SLC10A6: variants seen among roughly 807,000 people sequenced by gnomAD.
SLC10A6 encodes solute carrier family 10 member 6.
Under a neutral mutation model 30.0 loss-of-function variants are expected in SLC10A6, and 27 were observed. That is an observed-to-expected ratio of 0.90 (90% CI 0.66 to 1.24). SLC10A6 has a LOEUF of 1.24. SLC10A6 is among the 50% of genes most tolerant of loss of function. The pLI is 0.00. For synonymous variants in SLC10A6, 166 were observed against 173.8 expected, an observed-to-expected ratio of 0.95 and a Z score of 0.36; for missense variants, 439 against 457.0, an observed-to-expected ratio of 0.96 and a Z score of 0.36.
At chr4:86,825,849 G>A (rs1196621373) in intron 4 of SLC10A6, among the ~76,000 whole-genome samples, 1 of 152,226 alleles carries the variant, frequency 6.6e-6, no homozygotes, top group African/African-American at 2.4e-5. Context: ...ACAAAGTATG[G>A]CCAAAGGCCA....
chr4:86,827,864 A>T, intron 4 of SLC10A6, 129 bp downstream of exon 4: 1 of 731,822 alleles, frequency 1.4e-6, no homozygotes, highest in Non-Finnish European at 2.1e-6. Context: ...TTTTATGCTT[A>T]GTTATCCTGT....
rs565694498 is a variant in SLC10A6, at chr4:86,848,950, G to A, written c.166C>T (p.Arg56Trp). ...MFSLGCSVEI[R>W]KLWSHIRRPW... is the part of the protein sequence containing the mutation. The stretch of plus-strand genomic sequence containing the variant: ...CTCCTGATGTGCGACCACAGCTTCC[G>A]GATCTCCACGGAACATCCCAAAGAG... Residue 56 changes from arginine to tryptophan, a missense_variant, in exon 1 of 6, where the codon CGG becomes TGG. Coordinates refer to ENST00000273905, the MANE Select transcript of SLC10A6 (RefSeq NM_197965.3). 5 of 1,613,566 alleles carry A rather than the reference G, an allele frequency of 3.1e-6. No homozygotes were observed. The highest frequency in any genetic ancestry group is 2.2e-5 in the South Asian group (2 of 91,016).
chr4:86,829,443 G>A (rs1021239574), intron 3 of SLC10A6, among the ~76,000 whole-genome samples: 3 of 152,050 alleles, frequency 2.0e-5, no homozygotes, highest in African/African-American at 4.8e-5. Flanking sequence ...GCCTCTGAAT[G>A]TAACATCCCC....
Position 86,837,292 on chromosome 4 carries a change from AGG to A in SLC10A6, c.378-3870_378-3869del, listed in dbSNP as rs763281326. 3.4e-3 allele frequency among the ~76,000 whole-genome samples: 273 copies of A among 81,432 alleles called. 1 individual carries two copies. The highest frequency in any genetic ancestry group is 4.6e-3 in the East Asian group (13 of 2,848). The allele number at this position is 81,432 out of a possible 152,430, so 53.4% of individuals were successfully genotyped here. ...GAAAGAAAGAAAGAAAGAAAAAGAA[AGG>A]AAGGAAGGAAGGAAGGAAGGAAGGA... On this transcript the variant is annotated intron_variant, in intron 1 of 5. Transcript: ENST00000273905.
intron 5 of SLC10A6, 135 bp downstream of exon 5, chr4:86,825,285 G>T: frequency 2.8e-6 from 2 of 723,554 alleles, no homozygotes; most frequent in Non-Finnish European, 4.4e-6. Context: ...GTGCCTTATC[G>T]TCCCCAGAAA....
intron 3 of SLC10A6, 141 bp from the exon 4 acceptor site, chr4:86,828,309 AT>A: frequency 1.1e-6 from 1 of 910,902 alleles, no homozygotes; most frequent in East Asian, 2.8e-5. Flanking sequence ...ATACAATTTC[AT>A]TTAGTAGAGG....
In SLC10A6 at chr4:86,828,073, C is replaced by CAG. The variant is rs1355237153; in HGVS notation, c.679_680dup (p.Thr228Ter). 5 of 1,613,794 alleles carry CAG rather than the reference C, an allele frequency of 3.1e-6. No homozygotes were observed. The highest frequency in any genetic ancestry group is 1.3e-5 in the African/African-American group (1 of 74,884). Reference sequence around the variant, plus strand: ...TCAAAGGAAAGATGAAACTGATGGTCAGAAGGGTGATGTCTGAATTCCAAG... The same window carrying CAG: ...TCAAAGGAAAGATGAAACTGATGGTCAGAGAAGGGTGATGTCTGAATTCCAAG... On this transcript the variant is annotated frameshift_variant, in exon 4 of 6. Coordinates refer to ENST00000273905, the MANE Select transcript of SLC10A6 (RefSeq NM_197965.3). LOFTEE classifies it high-confidence loss of function.
intron 3 of SLC10A6, 36 bp downstream of exon 3, chr4:86,831,756 T>G (rs7690165): frequency 0.16 from 247,886 of 1,561,754 alleles, 20,986 homozygotes; most frequent in African/African-American, 0.21. Context: ...CCCCTGAGTC[T>G]GAGGACGTGC....
At chr4:86,840,244 G>A (rs1052981524) in intron 1 of SLC10A6, among the ~76,000 whole-genome samples, 1 of 152,034 alleles carries the variant, frequency 6.6e-6, no homozygotes, top group East Asian at 1.9e-4. Context: ...ATCAGGTTGT[G>A]CTTTCTTTCA....
intron 2 of SLC10A6, 75 bp from the exon 3 acceptor site, chr4:86,831,955 T>C: frequency 6.9e-6 from 8 of 1,164,700 alleles, no homozygotes; most frequent in Admixed American, 1.9e-5. Context: ...CAACTTCTAT[T>C]TCAATTAGGT....
chr4:86,846,291 A>C (rs905008863), intron 1 of SLC10A6, among the ~76,000 whole-genome samples: 1 of 152,054 alleles, frequency 6.6e-6, no homozygotes, highest in African/African-American at 2.4e-5. Flanking sequence ...TTGTTTTTTT[A>C]GTTTTGTTGG....
intron 1 of SLC10A6, among the ~76,000 whole-genome samples, chr4:86,834,774 C>G (rs1746152198): frequency 6.6e-6 from 1 of 152,086 alleles, no homozygotes; most frequent in Non-Finnish European, 1.5e-5. Context: ...GTTCTGCAGG[C>G]TGTACAAGCA....
chr4:86,836,357 C>T (rs568005280), intron 1 of SLC10A6, among the ~76,000 whole-genome samples: 27 of 152,270 alleles, frequency 1.8e-4, no homozygotes, highest in African/African-American at 6.0e-4. Flanking sequence ...ATGTGTCCTC[C>T]AAAATTCATA....
At chr4:86,835,548 T>C (rs904710328) in intron 1 of SLC10A6, among the ~76,000 whole-genome samples, 1 of 151,962 alleles carries the variant, frequency 6.6e-6, no homozygotes, top group Non-Finnish European at 1.5e-5. Flanking sequence ...GTGCCTGTAA[T>C]CCCAGCTACT....
At chr4:86,848,468 C>G (rs953075730) in intron 1 of SLC10A6, among the ~76,000 whole-genome samples, 4 of 152,166 alleles carry the variant, frequency 2.6e-5, no homozygotes, top group Non-Finnish European at 5.9e-5. Flanking sequence ...TTAGGAAGGG[C>G]CACTGGGTGA....
intron 1 of SLC10A6, 63 bp from the exon 2 acceptor site, chr4:86,833,487 C>A: frequency 8.3e-7 from 1 of 1,210,936 alleles, no homozygotes; most frequent in Non-Finnish European, 1.2e-6. Context: ...TTAGTCTTTA[C>A]CAAAAGCAAC....
Position 86,823,580 on chromosome 4 carries a change from C to A in SLC10A6, c.*108G>T, listed in dbSNP as rs770327741. 8.8e-6 allele frequency: 7 copies of A among 798,368 alleles called. No individual in the cohort carries two copies. Among genetic ancestry groups the A allele is most frequent in the Non-Finnish European group, 1.4e-5 (7 of 517,976 alleles). The allele number at this position is 798,368 out of a possible 1,614,324, so 49.5% of individuals were successfully genotyped here. ...AAAATATAAATATTCTAACATTGAA[C>A]ACTTAAATATTCACACTGGCCCTAC... On this transcript the variant is annotated 3_prime_UTR_variant, in exon 6 of 6. Transcript: ENST00000273905.
chr4:86,847,349 A>G (rs1359223377), intron 1 of SLC10A6, among the ~76,000 whole-genome samples: 3 of 152,246 alleles, frequency 2.0e-5, no homozygotes, highest in Admixed American at 1.3e-4. Context: ...AAAAACTTTT[A>G]GGTCCTGGAA....
intron 1 of SLC10A6, among the ~76,000 whole-genome samples, chr4:86,846,625 C>T (rs1046326772): frequency 1.3e-5 from 2 of 152,138 alleles, no homozygotes; most frequent in Non-Finnish European, 2.9e-5. Flanking sequence ...ACTCAGGAGG[C>T]TGAGGCAGGA....
Sources: gnomAD v4.1 joint callset for allele counts (sites outside exome capture counted in the v4.1 genomes callset) on GRCh38, gnomAD v4.1.1 for gene constraint, MANE v1.5 for transcripts, NCBI Gene and HGNC (gene_info 2026-07-23, HGNC 2026-07-21) for gene names.